Variants in SYT16 observed in about 807,000 individuals in gnomAD.
SYT16 encodes the protein synaptotagmin-16.
A neutral mutation model predicts 61.4 loss-of-function variants in SYT16; 42 were observed. The observed-to-expected ratio is 0.68, with a 90% confidence interval of 0.53 to 0.89. SYT16 has a LOEUF of 0.89. Ranked by LOEUF, SYT16 falls within the 40% of genes least tolerant of loss-of-function variation. The probability of loss-of-function intolerance (pLI) is 0.00; values close to 1 mark genes in which losing one functional copy is unlikely to be tolerated. For missense variants in SYT16, 804 were observed against 807.3 expected (o/e 1.00, Z 0.05); for synonymous variants, 314 against 302.3 (o/e 1.04, Z -0.40).
chr14:61,915,493 GACA>G (rs2140391919), intron 1 of SYT16, among the ~76,000 whole-genome samples: 1 of 152,144 alleles, frequency 6.6e-6, no homozygotes, highest in East Asian at 1.9e-4. Flanking sequence ...ACAAGTTTAG[GACA>G]ACTTTTTTTT....
In SYT16 at chr14:62,109,287, G is replaced by C. The variant is rs2057563800; in HGVS notation, c.*8580G>C. ...TACAGTATGTAGCCTTTTCAGATTG[G>C]CTTTTTTTTTTTTCACTTAGGGATA... On this transcript the variant is annotated 3_prime_UTR_variant, in exon 8 of 8. Transcript: ENST00000683842. The C allele has an allele frequency of 7.4e-6, 1 of 135,324 alleles. No homozygotes were observed. Among genetic ancestry groups the C allele is most frequent in the South Asian group, 2.3e-4 (1 of 4,318 alleles). 8.4% of individuals were successfully genotyped at this position (135,324 alleles called of 1,614,324 possible). A position where few individuals can be genotyped will look rare whatever the true frequency, so the allele number is the denominator to read the frequency against.
chr14:61,829,698 A>C (rs2045878194), intron 1 of SYT16, among the ~76,000 whole-genome samples: 1 of 150,984 alleles, frequency 6.6e-6, no homozygotes, highest in African/African-American at 2.4e-5. Flanking sequence ...TCTGTCGCCC[A>C]GGCTGGAGTA....
chr14:62,089,906 C>T (rs2140997473), intron 7 of SYT16, among the ~76,000 whole-genome samples: 1 of 152,328 alleles, frequency 6.6e-6, no homozygotes, highest in Non-Finnish European at 1.5e-5. Flanking sequence ...GAGTTAGAAA[C>T]ATTTGATCAT....
intron 1 of SYT16, among the ~76,000 whole-genome samples, chr14:61,888,716 A>G (rs1422951891): frequency 6.6e-6 from 1 of 151,976 alleles, no homozygotes; most frequent in African/African-American, 2.4e-5. Context: ...GCTGTTGGAA[A>G]TATTGTGCTG....
chr14:61,838,142 G>T (rs527651199), intron 1 of SYT16, among the ~76,000 whole-genome samples: 16 of 152,276 alleles, frequency 1.1e-4, no homozygotes, highest in African/African-American at 3.9e-4. Flanking sequence ...TTATGTAGTA[G>T]ACATTAATTT....
chr14:61,884,490 G>A (rs2047821275), intron 1 of SYT16, among the ~76,000 whole-genome samples: 1 of 152,152 alleles, frequency 6.6e-6, no homozygotes, highest in African/African-American at 2.4e-5. Context: ...ATCCTACAAT[G>A]AAAAAATCTA....
chr14:61,947,846 A>G (rs2050509395), intron 1 of SYT16, among the ~76,000 whole-genome samples: 1 of 152,194 alleles, frequency 6.6e-6, no homozygotes, highest in Admixed American at 6.5e-5. Flanking sequence ...TGGGACTTGG[A>G]TAGGCTTTGT....
intron 3 of SYT16, among the ~76,000 whole-genome samples, chr14:62,006,064 A>G (rs931355509): frequency 6.6e-6 from 1 of 152,132 alleles, no homozygotes; most frequent in East Asian, 1.9e-4. Context: ...AATGCCTTTT[A>G]GCCATTGAAC....
In SYT16 at chr14:62,110,117, A is replaced by G. The variant is rs2057582110; in HGVS notation, c.*9410A>G. On this transcript the variant is annotated 3_prime_UTR_variant, in exon 8 of 8. Coordinates refer to ENST00000683842, the MANE Select transcript of SYT16 (RefSeq NM_001367656.1). ...TGCCCTTTGCTTTGTAGCTACAGCA[A>G]CTTGCAGAACCTGGCATTATTGCAG... 2.0e-5 allele frequency: 3 copies of G among 152,312 alleles called. No homozygotes were observed. Among genetic ancestry groups the G allele is most frequent in the South Asian group, 4.1e-4 (2 of 4,832 alleles). 9.4% of individuals were successfully genotyped at this position (152,312 alleles called of 1,614,324 possible). A position where few individuals can be genotyped will look rare whatever the true frequency, so the allele number is the denominator to read the frequency against.
At chr14:61,840,489 G>A (rs917821435) in intron 1 of SYT16, among the ~76,000 whole-genome samples, 6 of 152,240 alleles carry the variant, frequency 3.9e-5, no homozygotes, top group African/African-American at 1.4e-4. Context: ...GACCAGGAAA[G>A]AATAGCCAGA....
intron 3 of SYT16, among the ~76,000 whole-genome samples, chr14:62,046,291 A>G (rs1445586684): frequency 6.6e-6 from 1 of 151,790 alleles, no homozygotes; most frequent in Admixed American, 6.6e-5. Context: ...CCACTTTTTG[A>G]TGGGGTTGTT....
chr14:61,965,560 A>G (rs2051283967), intron 1 of SYT16, among the ~76,000 whole-genome samples: 1 of 152,148 alleles, frequency 6.6e-6, no homozygotes, highest in Non-Finnish European at 1.5e-5. Flanking sequence ...ATGGAGAAAG[A>G]CCATATCTTA....
At chr14:61,842,369 T>G (rs1280906044) in intron 1 of SYT16, among the ~76,000 whole-genome samples, 1 of 152,166 alleles carries the variant, frequency 6.6e-6, no homozygotes, top group Admixed American at 6.5e-5. Flanking sequence ...ACTATCTATG[T>G]CCATGAGTTC....
chr14:61,916,788 C>T (rs1309144151), intron 1 of SYT16, among the ~76,000 whole-genome samples: 1 of 152,144 alleles, frequency 6.6e-6, no homozygotes, highest in Non-Finnish European at 1.5e-5. Flanking sequence ...TCTCTACCTC[C>T]ATGAGATCCA....
In SYT16 at chr14:62,112,511, C is replaced by T. The variant is rs2057625159; in HGVS notation, c.*11804C>T. ...TCATTCCAATTTTGTAAAACTGCTG[C>T]TACTGGTTTTATCAATAAAGTTTTA... On this transcript the variant is annotated 3_prime_UTR_variant, in exon 8 of 8. Coordinates refer to ENST00000683842, the MANE Select transcript of SYT16 (RefSeq NM_001367656.1). 6.6e-6 allele frequency: 1 copy of T among 152,032 alleles called. No homozygotes were observed. The highest frequency in any genetic ancestry group is 1.5e-5 in the Non-Finnish European group (1 of 67,992). 9.4% of individuals were successfully genotyped at this position (152,032 alleles called of 1,614,324 possible). A position where few individuals can be genotyped will look rare whatever the true frequency, so the allele number is the denominator to read the frequency against.
Position 61,821,408 on chromosome 14 carries a change from A to T in SYT16, c.-325+8598A>T, listed in dbSNP as rs562067141. Among the ~76,000 whole-genome samples the T allele has an allele frequency of 1.2e-4, 18 of 152,326 alleles. No homozygotes were observed. The South Asian group carries it at 2.7e-3, about 23-fold the overall frequency. Reference sequence around the variant, plus strand: ...TGGCTTAAAAAAACACTTATCTGTCATTCCACAGCTCTGTAGGTCAGGAGT... The same window carrying T: ...TGGCTTAAAAAAACACTTATCTGTCTTTCCACAGCTCTGTAGGTCAGGAGT... On this transcript the variant is annotated intron_variant, in intron 1 of 7. Transcript: ENST00000683842.
intron 1 of SYT16, among the ~76,000 whole-genome samples, chr14:61,831,355 T>A (rs2045929691): frequency 6.6e-6 from 1 of 150,446 alleles, no homozygotes; most frequent in African/African-American, 2.5e-5. Flanking sequence ...TTATCATCTA[T>A]CACTGATGAG....
At chr14:61,875,944 G>A (rs1253090698) in intron 1 of SYT16, among the ~76,000 whole-genome samples, 1 of 152,200 alleles carries the variant, frequency 6.6e-6, no homozygotes, top group African/African-American at 2.4e-5. Flanking sequence ...CATTGTGGAA[G>A]GTGACCACTG....
intron 1 of SYT16, among the ~76,000 whole-genome samples, chr14:61,848,463 G>T (rs2046510259): frequency 6.6e-6 from 1 of 152,112 alleles, no homozygotes; most frequent in African/African-American, 2.4e-5. Flanking sequence ...TCTGGAAGTG[G>T]AGGACACATG....
Sources: gnomAD v4.1 joint callset for allele counts (sites outside exome capture counted in the v4.1 genomes callset) on GRCh38, gnomAD v4.1.1 for gene constraint, MANE v1.5 for transcripts, NCBI Gene and HGNC (gene_info 2026-07-23, HGNC 2026-07-21) for gene names.